The following AGPS variants were observed in gnomAD, a reference collection of about 807,000 sequenced individuals.
AGPS encodes alkyldihydroxyacetonephosphate synthase, peroxisomal.
AGPS carries 26 observed loss-of-function variants against 90.7 expected under a neutral mutation model. The ratio of observed to expected loss-of-function variants is 0.29; its 90% CI spans 0.21 to 0.40. The LOEUF (loss-of-function observed/expected upper bound fraction) is 0.40, where lower values mean the gene tolerates loss of function less well. AGPS is among the 10% of genes least tolerant of loss of function. The pLI is 1.00. For synonymous variants in AGPS, 294 were observed against 285.3 expected (o/e 1.03, Z -0.31); for missense variants, 540 against 816.1 (o/e 0.66, Z 4.12).
chr2:177,520,711 A>T (rs1689161014), intron 17 of AGPS, among the ~76,000 whole-genome samples: 1 of 152,234 alleles, frequency 6.6e-6, no homozygotes, highest in Non-Finnish European at 1.5e-5. Context: ...TTTGTTAAAT[A>T]GCAGAAAGAG....
rs180880135 is a variant in AGPS, at chr2:177,535,069, G to A, written c.1856-3005G>A. On this transcript the variant is annotated intron_variant, in intron 19 of 19. Coordinates refer to ENST00000264167, the MANE Select transcript of AGPS (RefSeq NM_003659.4). ...GATCTTGGCTTTTTGTAGCTCTAGT[G>A]TTGACTCTCAGGCTAGATTTATACT... is the stretch of plus-strand genomic sequence containing the variant. Among the ~76,000 whole-genome samples, 463 of 152,234 alleles carry A rather than the reference G, an allele frequency of 3.0e-3. 2 individuals carry two copies. The highest frequency in any genetic ancestry group is 0.011 in the African/African-American group (440 of 41,548).
chr2:177,418,914 G>C (rs1283409568), intron 1 of AGPS, among the ~76,000 whole-genome samples: 1 of 151,842 alleles, frequency 6.6e-6, no homozygotes, highest in Non-Finnish European at 1.5e-5. Context: ...TCTGCAATGA[G>C]GTAGGAATGT....
chr2:177,428,290 G>A (rs1258019357), intron 2 of AGPS, among the ~76,000 whole-genome samples: 1 of 152,130 alleles, frequency 6.6e-6, no homozygotes, highest in Non-Finnish European at 1.5e-5. Context: ...TTGCAATTCT[G>A]TGTCTTTTAA....
At position 177,411,525 on chromosome 2, in the gene AGPS, G is replaced by C. The variant is rs139796441; in HGVS notation, c.261-8744G>C. Among the ~76,000 whole-genome samples, 40 of 152,248 alleles carry C rather than the reference G, an allele frequency of 2.6e-4. 1 individual carries two copies. The East Asian group carries it at 7.7e-3, about 29-fold the overall frequency. ...CCTGTGGGGAATTGTTCTTTCCTCT[G>C]TTGTCATCCTATCATTGACCTGACT... is the stretch of plus-strand genomic sequence containing the variant. On this transcript the variant is annotated intron_variant, in intron 1 of 19. Coordinates refer to ENST00000264167, the MANE Select transcript of AGPS (RefSeq NM_003659.4).
intron 1 of AGPS, among the ~76,000 whole-genome samples, chr2:177,408,191 A>G (rs1268148058): frequency 1.3e-5 from 2 of 152,222 alleles, no homozygotes; most frequent in African/African-American, 2.4e-5. Context: ...GCTGATTGTC[A>G]GTATCACACA....
At chr2:177,454,847 A>T (rs1343063969) in intron 8 of AGPS, among the ~76,000 whole-genome samples, 1 of 152,134 alleles carries the variant, frequency 6.6e-6, no homozygotes, top group Non-Finnish European at 1.5e-5. Flanking sequence ...TACTCTGTGA[A>T]TTAATAGTTT....
At chr2:177,491,429 C>CT (rs1051275473) in intron 11 of AGPS, among the ~76,000 whole-genome samples, 16,822 of 118,230 alleles carry the variant, frequency 0.14, 1,338 homozygotes, top group Non-Finnish European at 0.16. Flanking sequence ...TGACTAATTT[C>CT]TTTTTTTTTT....
At chr2:177,460,425 T>A (rs1401091005) in intron 8 of AGPS, among the ~76,000 whole-genome samples, 1 of 152,216 alleles carries the variant, frequency 6.6e-6, no homozygotes, top group Non-Finnish European at 1.5e-5. Flanking sequence ...GTCAGCTTCA[T>A]ATGGTTGTTG....
chr2:177,509,818 G>A (rs1361669409), intron 16 of AGPS, among the ~76,000 whole-genome samples: 1 of 152,068 alleles, frequency 6.6e-6, no homozygotes, highest in Non-Finnish European at 1.5e-5. Flanking sequence ...AGAAAAAAAG[G>A]TGGAAACATA....
chr2:177,452,006 TC>T (rs1686968013), intron 8 of AGPS, among the ~76,000 whole-genome samples: 1 of 152,196 alleles, frequency 6.6e-6, no homozygotes. Flanking sequence ...TATCTTTCTG[TC>T]ATTGATTTCT....
chr2:177,519,546 G>A (rs1652752341), intron 17 of AGPS, among the ~76,000 whole-genome samples: 2 of 152,066 alleles, frequency 1.3e-5, no homozygotes, highest in South Asian at 4.2e-4. Flanking sequence ...TAAATTATCT[G>A]TGTAGAAAAA....
At chr2:177,445,758 C>G (rs1004591692) in intron 8 of AGPS, 132 bp downstream of exon 8, 2 of 636,718 alleles carry the variant, frequency 3.1e-6, no homozygotes, top group African/African-American at 1.8e-5. Context: ...TACATTCATT[C>G]ACTCAAAGAA....
chr2:177,396,797 G>T (rs982130942), intron 1 of AGPS, among the ~76,000 whole-genome samples: 3 of 152,138 alleles, frequency 2.0e-5, no homozygotes, highest in African/African-American at 7.2e-5. Context: ...AATGCCACAG[G>T]AGTTTGGAGA....
chr2:177,414,104 C>A (rs545701141), intron 1 of AGPS, among the ~76,000 whole-genome samples: 2 of 152,244 alleles, frequency 1.3e-5, no homozygotes, highest in East Asian at 3.9e-4. Flanking sequence ...CCCTTTATAC[C>A]TGTATATTAC....
intron 8 of AGPS, among the ~76,000 whole-genome samples, chr2:177,456,742 A>G (rs1186956247): frequency 6.6e-6 from 1 of 152,090 alleles, no homozygotes; most frequent in Non-Finnish European, 1.5e-5. Flanking sequence ...TACTGATAGA[A>G]ATAAAGTGTA....
chr2:177,473,515 G>A (rs1687687672), intron 10 of AGPS, among the ~76,000 whole-genome samples: 1 of 152,002 alleles, frequency 6.6e-6, no homozygotes, highest in Non-Finnish European at 1.5e-5. Flanking sequence ...CCTCTCTGAT[G>A]TCACATTGCC....
chr2:177,472,983 T>C (rs1485155571), intron 10 of AGPS, among the ~76,000 whole-genome samples: 1 of 152,182 alleles, frequency 6.6e-6, no homozygotes, highest in African/African-American at 2.4e-5. Flanking sequence ...TATTGCACTT[T>C]TGTTTTCTGG....
chr2:177,542,710 CAT>C lies in AGPS; in HGVS notation c.*4516_*4517del, dbSNP rs3215354. 17,941 of 152,066 alleles carry C rather than the reference CAT, an allele frequency of 0.12. 1,312 individuals carry two copies. The highest frequency in any genetic ancestry group is 0.35 in the East Asian group (1,821 of 5,138). 9.4% of individuals were successfully genotyped at this position (152,066 alleles called of 1,614,324 possible). On this transcript the variant is annotated 3_prime_UTR_variant, in exon 20 of 20. Coordinates refer to ENST00000264167, the MANE Select transcript of AGPS (RefSeq NM_003659.4). ...TGAACACCATATGCACCCTAGGAAA[CAT>C]GTTTTTCCTTTAATCTTGTTCACAT...
At chr2:177,518,017 CAGA>C (rs1172124445) in intron 17 of AGPS, among the ~76,000 whole-genome samples, 1 of 152,170 alleles carries the variant, frequency 6.6e-6, no homozygotes, top group Non-Finnish European at 1.5e-5. Flanking sequence ...TAGATCATCT[CAGA>C]AGAAGCATGA....
Sources: gnomAD v4.1 joint callset for allele counts (sites outside exome capture counted in the v4.1 genomes callset) on GRCh38, gnomAD v4.1.1 for gene constraint, MANE v1.5 for transcripts, NCBI Gene and HGNC (gene_info 2026-07-23, HGNC 2026-07-21) for gene names.